RELN: variants seen among roughly 807,000 people sequenced by gnomAD.
The protein encoded by RELN is reelin.
RELN carries 108 observed loss-of-function variants against 427.6 expected under a neutral mutation model. The observed-to-expected ratio is 0.25, with a 90% CI of 0.22 to 0.30. The LOEUF (loss-of-function observed/expected upper bound fraction) is 0.30, where lower values mean the gene tolerates loss of function less well. Ranked by LOEUF, RELN falls within the 10% of genes least tolerant of loss-of-function variation. RELN has a pLI of 1.00. For missense variants in RELN, 3,715 were observed against 4,302.8 expected, an observed-to-expected ratio of 0.86 and a Z score of 3.82; for synonymous variants, 1,524 against 1,513.4, an observed-to-expected ratio of 1.01 and a Z score of -0.16.
chr7:103,813,997 C>A (rs760142156), intron 3 of RELN, among the ~76,000 whole-genome samples: 2 of 152,140 alleles, frequency 1.3e-5, no homozygotes, highest in Non-Finnish European at 2.9e-5. Flanking sequence ...TTTATTTTCT[C>A]ATTTTCTTTC....
chr7:103,655,702 T>C (rs774508879), intron 12 of RELN, among the ~76,000 whole-genome samples: 1 of 152,026 alleles, frequency 6.6e-6, no homozygotes, highest in Non-Finnish European at 1.5e-5. Flanking sequence ...CAAAAGTAGA[T>C]ATCAGAGGGC....
rs148099564 is a variant in RELN, at chr7:103,498,418, C to T, written c.8668-166G>A. Among the ~76,000 whole-genome samples the T allele has an allele frequency of 3.3e-3, 505 of 152,054 alleles. 6 individuals carry two copies. The highest frequency in any genetic ancestry group is 0.021 in the Admixed American group (326 of 15,280). Reference sequence around the variant, plus strand: ...CTATTTCCACAATCTTTTTTCCTGTCGTATATTGAAAATCATTTAAACTGC... The same window carrying T: ...CTATTTCCACAATCTTTTTTCCTGTTGTATATTGAAAATCATTTAAACTGC... On this transcript the variant is annotated intron_variant, in intron 53 of 64. Coordinates refer to ENST00000428762, the MANE Select transcript of RELN (RefSeq NM_005045.4).
intron 49 of RELN, 47 bp from the exon 50 acceptor site, chr7:103,515,488 A>G (rs1829542741): frequency 2.5e-6 from 4 of 1,581,614 alleles, no homozygotes; most frequent in Non-Finnish European, 1.7e-6. Flanking sequence ...CCCTTGTCAA[A>G]TATCTTCTCT....
At chr7:103,850,615 G>T (rs1793798768) in intron 2 of RELN, among the ~76,000 whole-genome samples, 1 of 152,174 alleles carries the variant, frequency 6.6e-6, no homozygotes, top group African/African-American at 2.4e-5. Flanking sequence ...ACTCAGGGGA[G>T]GGCACAAATC....
chr7:103,487,308 G>C (rs1828475496), intron 60 of RELN, among the ~76,000 whole-genome samples: 2 of 151,590 alleles, frequency 1.3e-5, no homozygotes, highest in Admixed American at 1.3e-4. Flanking sequence ...TAATGTAGAT[G>C]ATGGATTGAT....
At chr7:103,539,462 A>G in intron 44 of RELN, 135 bp from the exon 45 acceptor site, 1 of 821,580 alleles carries the variant, frequency 1.2e-6, no homozygotes, top group Admixed American at 2.1e-5. Flanking sequence ...GGCCAGCAGA[A>G]TGTGAGGGGC....
chr7:103,864,387 A>C (rs1021388063), intron 2 of RELN, among the ~76,000 whole-genome samples: 5 of 152,212 alleles, frequency 3.3e-5, no homozygotes, highest in African/African-American at 1.2e-4. Context: ...GCTGTGCAGC[A>C]CACCTCTAGA....
chr7:103,587,683 C>G (rs558529345), intron 28 of RELN, among the ~76,000 whole-genome samples: 1 of 151,882 alleles, frequency 6.6e-6, no homozygotes, highest in East Asian at 1.9e-4. Context: ...ACAACAGCAA[C>G]AGAAATAAAT....
intron 1 of RELN, among the ~76,000 whole-genome samples, chr7:103,983,659 A>G (rs58611774): frequency 0.11 from 16,027 of 152,158 alleles, 1,780 homozygotes; most frequent in East Asian, 0.32. Context: ...AATCACCCCA[A>G]TGTTTTTGAA....
intron 11 of RELN, among the ~76,000 whole-genome samples, chr7:103,678,069 A>ATACT (rs1215011695): frequency 1.3e-5 from 2 of 152,200 alleles, no homozygotes; most frequent in Admixed American, 1.3e-4. Flanking sequence ...AGACTACAGC[A>ATACT]TACTGTCTTG....
rs570106772 is a variant in RELN, at chr7:103,967,446, C to T, written c.226+21685G>A. Among the ~76,000 whole-genome samples the T allele has an allele frequency of 2.0e-5, 3 of 152,218 alleles. No homozygotes were observed. In the East Asian group the frequency reaches 5.8e-4, roughly 29 times the overall value. ...TGGTTGTCTGCACTTTCCAGGACAA[C>T]CCTAGAGCAGTGAACCTACCAGTCA... On this transcript the variant is annotated intron_variant, in intron 1 of 64. Transcript: ENST00000428762.
At chr7:103,947,051 T>G (rs1047742151) in intron 1 of RELN, among the ~76,000 whole-genome samples, 1 of 152,140 alleles carries the variant, frequency 6.6e-6, no homozygotes, top group Non-Finnish European at 1.5e-5. Flanking sequence ...CCCAAATGAA[T>G]TCACCCATTC....
At chr7:103,925,533 T>C (rs577832992) in intron 1 of RELN, among the ~76,000 whole-genome samples, 1 of 152,310 alleles carries the variant, frequency 6.6e-6, no homozygotes, top group Non-Finnish European at 1.5e-5. Flanking sequence ...TACTCATCCA[T>C]GAAAATTTCA....
chr7:103,962,645 G>GTT (rs919530894), intron 1 of RELN, among the ~76,000 whole-genome samples: 1 of 81,018 alleles, frequency 1.2e-5, no homozygotes, highest in Non-Finnish European at 2.2e-5. Context: ...TTCCAAAGTT[G>GTT]TTGTGTGTGT....
intron 10 of RELN, among the ~76,000 whole-genome samples, chr7:103,693,889 A>C (rs901687270): frequency 4.6e-5 from 7 of 152,192 alleles, no homozygotes; most frequent in African/African-American, 1.7e-4. Flanking sequence ...ATTACTGAAA[A>C]CACCTCCTGC....
rs1011665250 is a variant in RELN, at chr7:103,603,234, C to T, written c.3333+70G>A. On this transcript the variant is annotated intron_variant, in intron 24 of 64. Coordinates refer to ENST00000428762, the MANE Select transcript of RELN (RefSeq NM_005045.4). The surrounding 1 kb of genome is among the most constrained non-coding windows in gnomAD (Gnocchi z 4.3). ...ACAATAGAACCACTTCATATTTGTA[C>T]ATTTGGAATTCAGAGTCTCATATTA... 2 of 1,246,994 alleles carry T rather than the reference C, an allele frequency of 1.6e-6. No individual in the cohort carries two copies. The highest frequency in any genetic ancestry group is 2.4e-6 in the Non-Finnish European group (2 of 846,080). 77.2% of individuals were successfully genotyped at this position (1,246,994 alleles called of 1,614,324 possible).
intron 3 of RELN, among the ~76,000 whole-genome samples, chr7:103,805,426 A>G (rs1792574888): frequency 6.6e-6 from 1 of 152,166 alleles, no homozygotes; most frequent in African/African-American, 2.4e-5. Flanking sequence ...ACTGACAACT[A>G]TATGTGTTGC....
At chr7:103,957,614 TCA>T (rs1410334509) in intron 1 of RELN, among the ~76,000 whole-genome samples, 8 of 151,950 alleles carry the variant, frequency 5.3e-5, no homozygotes, top group African/African-American at 1.7e-4. Flanking sequence ...ACGTGCTCAC[TCA>T]CAGTCAACAG....
At chr7:103,696,930 A>G (rs899518216) in intron 10 of RELN, among the ~76,000 whole-genome samples, 6 of 152,182 alleles carry the variant, frequency 3.9e-5, no homozygotes, top group Non-Finnish European at 7.3e-5. Flanking sequence ...CACTGGCCAT[A>G]TCTTCAAACT....
Sources: gnomAD v4.1 joint callset for allele counts (sites outside exome capture counted in the v4.1 genomes callset) on GRCh38, gnomAD v4.1.1 for gene constraint, Gnocchi (gnomAD v3.1) non-coding constraint, MANE v1.5 for transcripts, NCBI Gene and HGNC (gene_info 2026-07-23, HGNC 2026-07-21) for gene names.